The following DPF1 variants were observed in gnomAD, a reference collection of about 807,000 sequenced individuals.
DPF1 encodes zinc finger protein neuro-d4.
In DPF1, 14 loss-of-function variants were observed where a neutral mutation model predicts 58.7. That is an observed-to-expected ratio of 0.24 (90% CI 0.16 to 0.37). The LOEUF (loss-of-function observed/expected upper bound fraction) is 0.37, where lower values mean the gene tolerates loss of function less well. Among genes scored for constraint, DPF1 ranks in the 10% least tolerant of loss-of-function variants. DPF1 has a pLI of 1.00. For synonymous variants in DPF1, 216 were observed against 216.0 expected, an observed-to-expected ratio of 1.00 and a Z score of 0.00; for missense variants, 345 against 529.9, an observed-to-expected ratio of 0.65 and a Z score of 3.43.
upstream of DPF1, chr19:38,229,685 G>T (rs1967968211): frequency 9.3e-6 from 5 of 535,362 alleles, no homozygotes; most frequent in Non-Finnish European, 1.2e-5. This position sits in a 1 kb window ranked among gnomAD's most constrained non-coding sequence, Gnocchi z 5.3. Flanking sequence ...CGCCCAGCGC[G>T]CTACGATTTC....
In DPF1 at chr19:38,222,328, C is replaced by T. The variant is rs768210796; in HGVS notation, c.298+29G>A. 8.3e-6 allele frequency: 13 copies of T among 1,572,200 alleles called. 1 individual carries two copies. In the Admixed American group the frequency reaches 2.6e-4, roughly 32 times the overall value. On this transcript the variant is annotated intron_variant, in intron 3 of 11. Coordinates refer to ENST00000355526, the MANE Select transcript of DPF1 (RefSeq NM_001135155.3). The surrounding 1 kb of genome is among the most constrained non-coding windows in gnomAD (Gnocchi z 4.9). ...AGGACACACAGCAGGCGCTGGGACA[C>T]CGATGGGGGCCCCAGCGGCTGCACC...
At chr19:38,223,502 C>T (rs1024355484) in intron 1 of DPF1, among the ~76,000 whole-genome samples, 2 of 151,566 alleles carry the variant, frequency 1.3e-5, no homozygotes, top group African/African-American at 4.9e-5. Context: ...GACACACACA[C>T]ATATAAAACA....
chr19:38,227,065 T>C (rs1967864708), upstream of DPF1, among the ~76,000 whole-genome samples: 1 of 151,182 alleles, frequency 6.6e-6, no homozygotes, highest in Non-Finnish European at 1.5e-5. Flanking sequence ...CTTCTCTTTC[T>C]TTCCTCTTTC....
intron 3 of DPF1, among the ~76,000 whole-genome samples, chr19:38,220,735 G>A (rs1967410844): frequency 6.6e-6 from 1 of 152,120 alleles, no homozygotes; most frequent in African/African-American, 2.4e-5. Context: ...ACATAGCGGG[G>A]AGATACCGAC....
In DPF1 at chr19:38,212,283, C is replaced by T. The variant is rs773228964; in HGVS notation, c.1090G>A (p.Glu364Lys). 4.1e-5 allele frequency: 62 copies of T among 1,512,484 alleles called. No homozygotes were observed. Among genetic ancestry groups the T allele is most frequent in the Non-Finnish European group, 5.3e-5 (60 of 1,130,206 alleles). The allele number at this position is 1,512,484 out of a possible 1,614,324, so 93.7% of individuals were successfully genotyped here. Reference protein sequence around the residue: ...CLSPPMAEPPEGSWSCHLCLR... With the variant: ...CLSPPMAEPPKGSWSCHLCLR... Reference sequence around the variant, plus strand: ...GGATGCCCACCTCTCCTCTCACCTTCCGGGGGCTCCGCCATGGGGGGACTC... The same window carrying T: ...GGATGCCCACCTCTCCTCTCACCTTTCGGGGGCTCCGCCATGGGGGGACTC... Residue 364 changes from glutamate to lysine, a missense_variant, in exon 11 of 12, where the codon GAA becomes AAA. Transcript: ENST00000355526.
intron 4 of DPF1, 46 bp downstream of exon 4, chr19:38,218,885 G>A (rs1027267151): frequency 6.2e-7 from 1 of 1,608,796 alleles, no homozygotes; most frequent in African/African-American, 1.3e-5. Flanking sequence ...GGCAGGCAGG[G>A]GTGAGACGAA....
upstream of DPF1, among the ~76,000 whole-genome samples, chr19:38,225,325 G>C (rs1461143480): frequency 6.6e-6 from 1 of 152,192 alleles, no homozygotes; most frequent in Non-Finnish European, 1.5e-5. Context: ...CCAGTACTTC[G>C]GGAGGCCTAG....
Position 38,211,173 on chromosome 19 carries a change from TAAAACCCGAACAAC to T in DPF1, c.*876_*889del, listed in dbSNP as rs1169464863. ...ACCTGCAGTCTCAGTTTCCCTTTTT[TAAAACCCGAACAAC>T]AAACACACACAACCACAAGAAACAA... On this transcript the variant is annotated 3_prime_UTR_variant, in exon 12 of 12. Coordinates refer to ENST00000355526, the MANE Select transcript of DPF1 (RefSeq NM_001135155.3). The surrounding 1 kb of genome is among the most constrained non-coding windows in gnomAD (Gnocchi z 4.0). 6.6e-6 allele frequency: 1 copy of T among 152,258 alleles called. No individual in the cohort carries two copies. Among genetic ancestry groups the T allele is most frequent in the Non-Finnish European group, 1.5e-5 (1 of 68,152 alleles). 9.4% of individuals were successfully genotyped at this position (152,258 alleles called of 1,614,324 possible). A position where few individuals can be genotyped will look rare whatever the true frequency, so the allele number is the denominator to read the frequency against.
At position 38,217,538 on chromosome 19, in the gene DPF1, T is replaced by A. The variant is rs1398446445; in HGVS notation, c.649A>T (p.Thr217Ser). 6.4e-7 allele frequency: 1 copy of A among 1,551,186 alleles called. No individual in the cohort carries two copies. Among genetic ancestry groups the A allele is most frequent in the Non-Finnish European group, 8.7e-7 (1 of 1,146,856 alleles). ...RPGLSYHYTH[T>S]HLAEEEGEEN... is the part of the protein sequence containing the mutation. ...TCCCCCTCCTCCTCGGCCAGGTGGG[T>A]GTGGGTGTAGTGGTAGCTGAGCCCC... is the stretch of plus-strand genomic sequence containing the variant. The change falls in exon 7 of 12, where the codon ACC (threonine) becomes TCC (serine). Residue 217 changes from threonine (T) to serine (S), a missense_variant. By Grantham distance (58) the Thr-to-Ser change is moderately conservative. Coordinates refer to ENST00000355526, the MANE Select transcript of DPF1 (RefSeq NM_001135155.3).
Position 38,222,888 on chromosome 19 carries a change from G to A in DPF1, c.30-180C>T. The A allele has an allele frequency of 2.2e-6, 2 of 893,768 alleles. No homozygotes were observed. Among genetic ancestry groups the A allele is most frequent in the Non-Finnish European group, 3.2e-6 (2 of 631,946 alleles). 55.4% of individuals were successfully genotyped at this position (893,768 alleles called of 1,614,324 possible). On this transcript the variant is annotated intron_variant, in intron 1 of 11. Coordinates refer to ENST00000355526, the MANE Select transcript of DPF1 (RefSeq NM_001135155.3). The surrounding 1 kb of genome is among the most constrained non-coding windows in gnomAD (Gnocchi z 4.9). ...GGCTGGGGGAAGGGGACAGGGCCCA[G>A]GGGCCCCCAAACTGGGACTCAAACA...
chr19:38,220,731 C>T (rs568689735), intron 3 of DPF1, among the ~76,000 whole-genome samples: 30 of 152,110 alleles, frequency 2.0e-4, no homozygotes, highest in African/African-American at 6.0e-4. Context: ...GGACACATAG[C>T]GGGGAGATAC....
chr19:38,224,324 G>A, upstream of DPF1: 1 of 1,246,366 alleles, frequency 8.0e-7, no homozygotes, highest in South Asian at 3.5e-5. This position sits in a 1 kb window ranked among gnomAD's most constrained non-coding sequence, Gnocchi z 4.5. Context: ...CCAGGCCAGG[G>A]GGCCCCCGGG....
chr19:38,217,252 A>C, intron 7 of DPF1: 1 of 642,458 alleles, frequency 1.6e-6, no homozygotes, highest in Non-Finnish European at 2.6e-6. Context: ...CAGACCCAGA[A>C]ATATTACGCC....
At chr19:38,217,255 A>AT in intron 7 of DPF1, 1 of 652,950 alleles carries the variant, frequency 1.5e-6, no homozygotes. Flanking sequence ...ACCCAGAAAT[A>AT]TTACGCCCGG....
At chr19:38,218,475 TG>T in intron 5 of DPF1, 97 bp downstream of exon 5, 1 of 1,284,686 alleles carries the variant, frequency 7.8e-7, no homozygotes, top group Non-Finnish European at 1.1e-6. Context: ...GAGGTCAGAC[TG>T]AGGTCAGACT....
chr19:38,212,262 G>T lies in DPF1; in HGVS notation c.1093+18C>A, dbSNP rs771694821. 3.4e-5 allele frequency: 28 copies of T among 814,122 alleles called. 1 individual carries two copies. The highest frequency in any genetic ancestry group is 3.2e-4 in the South Asian group (20 of 62,888). 50.4% of individuals were successfully genotyped at this position (814,122 alleles called of 1,614,324 possible). A position where few individuals can be genotyped will look rare whatever the true frequency, so the allele number is the denominator to read the frequency against. On this transcript the variant is annotated intron_variant, in intron 11 of 11. Transcript: ENST00000355526. ...TTCCCACCCACCCGCCCCATGGGAT[G>T]CCCACCTCTCCTCTCACCTTCCGGG...
chr19:38,221,830 C>T (rs1042587264), intron 3 of DPF1, among the ~76,000 whole-genome samples: 1 of 152,006 alleles, frequency 6.6e-6, no homozygotes, highest in African/African-American at 2.4e-5. Flanking sequence ...ACCTGTAATC[C>T]CAGCACTTTG....
upstream of DPF1, among the ~76,000 whole-genome samples, chr19:38,228,890 C>A (rs1435329495): frequency 2.6e-5 from 4 of 151,700 alleles, no homozygotes; most frequent in Non-Finnish European, 5.9e-5. Flanking sequence ...TCCCGGCACC[C>A]CCTCCTGGGC....
At position 38,216,529 on chromosome 19, in the gene DPF1, C is replaced by A. The variant is rs966763825; in HGVS notation, c.728-126G>T. 10 of 1,165,798 alleles carry A rather than the reference C, an allele frequency of 8.6e-6. No homozygotes were observed. In the African/African-American group the frequency reaches 1.4e-4, roughly 16 times the overall value. The allele number at this position is 1,165,798 out of a possible 1,614,324, so 72.2% of individuals were successfully genotyped here. On this transcript the variant is annotated intron_variant, in intron 7 of 11. Coordinates refer to ENST00000355526, the MANE Select transcript of DPF1 (RefSeq NM_001135155.3). ...GGAGCTGGGAAGAGTGAGTAGCTAC[C>A]CCAAGCTGTGGGGAGAGGTGAAAAC...
Sources: allele counts gnomAD v4.1 joint callset (sites outside exome capture counted in the v4.1 genomes callset), GRCh38; gene constraint gnomAD v4.1.1; non-coding constraint Gnocchi (gnomAD v3.1); transcripts MANE v1.5; gene names NCBI Gene and HGNC (gene_info 2026-07-23, HGNC 2026-07-21).